SLC28A1: variants seen among roughly 807,000 people sequenced by gnomAD.
SLC28A1 encodes the protein sodium/nucleoside cotransporter 1.
Under a neutral mutation model 74.8 loss-of-function variants are expected in SLC28A1, and 64 were observed. The observed-to-expected ratio is 0.86, with a 90% CI of 0.70 to 1.05. SLC28A1 has a LOEUF of 1.05. Among genes scored for constraint, SLC28A1 ranks in the 50% least tolerant of loss-of-function variants. The pLI, the probability that SLC28A1 is intolerant of heterozygous loss-of-function variation, is 0.00. For missense variants in SLC28A1, 828 were observed against 822.8 expected (o/e 1.01, Z -0.08); for synonymous variants, 359 against 335.0 (o/e 1.07, Z -0.78).
downstream of SLC28A1, among the ~76,000 whole-genome samples, chr15:84,948,180 C>T (rs1373859492): frequency 6.6e-6 from 1 of 152,158 alleles, no homozygotes; most frequent in Non-Finnish European, 1.5e-5. Flanking sequence ...CTGCTGCCCC[C>T]TCAATTTAAT....
chr15:84,908,665 C>A, intron 8 of SLC28A1, 53 bp from the exon 9 acceptor site: 1 of 1,490,954 alleles, frequency 6.7e-7, no homozygotes, highest in Non-Finnish European at 9.3e-7. Flanking sequence ...TTCCTCCCTC[C>A]TCCCTTCCCA....
intron 6 of SLC28A1, among the ~76,000 whole-genome samples, chr15:84,901,723 GCA>G (rs1265470873): frequency 6.6e-6 from 1 of 152,168 alleles, no homozygotes. Flanking sequence ...TCAAGTGTTG[GCA>G]AGGATATAGA....
At chr15:84,923,526 C>A (rs908515622) in intron 11 of SLC28A1, among the ~76,000 whole-genome samples, 3 of 152,126 alleles carry the variant, frequency 2.0e-5, no homozygotes, top group East Asian at 1.9e-4. Context: ...CAGAAATGCA[C>A]CCCTCATCCA....
intron 12 of SLC28A1, among the ~76,000 whole-genome samples, chr15:84,926,806 G>A (rs1596322837): frequency 6.9e-6 from 1 of 145,120 alleles, no homozygotes; most frequent in African/African-American, 2.5e-5. Context: ...GGGGGGAGGG[G>A]GGGGGTGGTG....
intron 8 of SLC28A1, among the ~76,000 whole-genome samples, chr15:84,906,579 TTCCTTC>T (rs1567140869): frequency 1.0e-4 from 5 of 49,044 alleles, no homozygotes; most frequent in Admixed American, 4.4e-4. Flanking sequence ...TCTTTCTTCC[TTCCTTC>T]CTTCCTTCCT....
chr15:84,944,493 C>T, intron 16 of SLC28A1, 73 bp from the exon 17 acceptor site: 1 of 1,001,068 alleles, frequency 1.0e-6, no homozygotes, highest in Non-Finnish European at 1.6e-6. Flanking sequence ...TCAGCAGATG[C>T]AGCCCGAGCT....
intron 12 of SLC28A1, among the ~76,000 whole-genome samples, chr15:84,929,664 G>T (rs1194627495): frequency 6.6e-6 from 1 of 152,118 alleles, no homozygotes; most frequent in African/African-American, 2.4e-5. Context: ...ACCAGCATGG[G>T]CAACATAGGG....
intron 12 of SLC28A1, among the ~76,000 whole-genome samples, chr15:84,930,638 G>A (rs557893950): frequency 4.7e-4 from 50 of 106,644 alleles, no homozygotes; most frequent in Non-Finnish European, 7.4e-4. Flanking sequence ...TTTTTTTTGA[G>A]ATGGAGTCTC....
chr15:84,927,369 C>T (rs958092773), intron 12 of SLC28A1, among the ~76,000 whole-genome samples: 19 of 152,310 alleles, frequency 1.2e-4, no homozygotes, highest in South Asian at 4.1e-4. Context: ...TCCATTTTTA[C>T]GCTCAGGTTC....
In SLC28A1 at chr15:84,911,858, C is replaced by CAA. The variant is rs57067372; in HGVS notation, c.795+3081_795+3082dup. ...CAGGCAACAGAGTGAGACTCCATCT[C>CAA]AAAAAAAAAAAAAAAAAAAGAAGAA... On this transcript the variant is annotated intron_variant, in intron 9 of 18. Coordinates refer to ENST00000394573, the MANE Select transcript of SLC28A1 (RefSeq NM_004213.5). Among the ~76,000 whole-genome samples, 641 of 114,408 alleles carry CAA rather than the reference C, an allele frequency of 5.6e-3. 10 individuals carry two copies. Among genetic ancestry groups the CAA allele is most frequent in the African/African-American group, 0.017 (489 of 28,454 alleles). The allele number at this position is 114,408 out of a possible 152,430, so 75.1% of individuals were successfully genotyped here.
Position 84,888,808 on chromosome 15 carries a change from G to A in SLC28A1, c.133G>A (p.Ala45Thr), listed in dbSNP as rs1164643037. The change falls in exon 4 of 19, where the codon GCA becomes ACA. Residue 45 changes from alanine (A) to threonine (T), a missense_variant. This residue lies in a region of SLC28A1 where 767 missense variants were observed against 753.5 expected (regional missense o/e 1.02). Transcript: ENST00000394573. ...GQLPRSDLSP[A>T]EIRSSWSEAA... ...GCTCCCTAGGAGTGACTTGAGCCCC[G>A]CAGAGATCAGGAGCAGCTGGAGCGA... 6.4e-6 allele frequency: 10 copies of A among 1,554,900 alleles called. No homozygotes were observed. Among genetic ancestry groups the A allele is most frequent in the South Asian group, 1.2e-5 (1 of 84,210 alleles).
At chr15:84,922,409 G>C (rs2141923412) in intron 11 of SLC28A1, among the ~76,000 whole-genome samples, 1 of 152,238 alleles carries the variant, frequency 6.6e-6, no homozygotes, top group East Asian at 1.9e-4. Context: ...ATCTTCCACA[G>C]GATGGTTCAG....
At chr15:84,899,016 C>G (rs928576744) in intron 6 of SLC28A1, among the ~76,000 whole-genome samples, 2 of 152,058 alleles carry the variant, frequency 1.3e-5, no homozygotes, top group Admixed American at 1.3e-4. Context: ...AGAATACAGA[C>G]AAGGAAACTA....
chr15:84,940,690 A>C (rs1972553625), intron 15 of SLC28A1: 1 of 155,348 alleles, frequency 6.4e-6, no homozygotes, highest in Non-Finnish European at 1.4e-5. Context: ...CCAGCTTTGC[A>C]GGTGTCTTTT....
At chr15:84,930,134 CA>C (rs1162321626) in intron 12 of SLC28A1, among the ~76,000 whole-genome samples, 1 of 152,370 alleles carries the variant, frequency 6.6e-6, no homozygotes, top group African/African-American at 2.4e-5. Flanking sequence ...AGGAATGTGA[CA>C]ACTGCAGGGT....
rs1196415773 is a variant in SLC28A1 at position 84,928,603 on chromosome 15, T to TTCC, written c.1083+4494_1083+4495insCCT. Among the ~76,000 whole-genome samples, 15 of 10,906 alleles carry TTCC rather than the reference T, an allele frequency of 1.4e-3. 1 individual carries two copies. The East Asian group carries it at 0.059, about 43-fold the overall frequency. 7.2% of individuals were successfully genotyped at this position (10,906 alleles called of 152,430 possible). A position where few individuals can be genotyped will look rare whatever the true frequency, so the allele number is the denominator to read the frequency against. On this transcript the variant is annotated intron_variant, in intron 12 of 18. Coordinates refer to ENST00000394573, the MANE Select transcript of SLC28A1 (RefSeq NM_004213.5). ...CTTTCTTTCTTTCTTTCTTTCTTTCTTTTCTTTCTTTCTTTTCTTTCTTTC... is the reference window on the plus strand; with the variant it reads ...CTTTCTTTCTTTCTTTCTTTCTTTCTTCCTTTCTTTCTTTCTTTTCTTTCTTTC...
chr15:84,959,233 T>C, the SLC28A1 span, among the ~76,000 whole-genome samples: 2 of 152,040 alleles, frequency 1.3e-5, no homozygotes, highest in African/African-American at 4.8e-5. Flanking sequence ...GCCTCCCAAG[T>C]AGCTGGGATT....
intron 6 of SLC28A1, chr15:84,895,811 T>C: frequency 8.8e-7 from 1 of 1,135,494 alleles, no homozygotes; most frequent in Non-Finnish European, 1.1e-6. Context: ...ACCAGTCTAT[T>C]TCAATACTCT....
rs1464071767 is a variant in SLC28A1, at chr15:84,892,897, C to T, written c.278-2043C>T. On this transcript the variant is annotated intron_variant, in intron 5 of 18. Coordinates refer to ENST00000394573, the MANE Select transcript of SLC28A1 (RefSeq NM_004213.5). The stretch of plus-strand genomic sequence containing the variant: ...CTTGCCCGCTCTCCCAGCCAAAGCC[C>T]AGGGAGGTCTTCAAGGAGCTTAGCT... Among the ~76,000 whole-genome samples, 4 of 152,164 alleles carry T rather than the reference C, an allele frequency of 2.6e-5. No homozygotes were observed. The East Asian group carries it at 7.7e-4, about 29-fold the overall frequency.
Sources: allele counts gnomAD v4.1 joint callset (sites outside exome capture counted in the v4.1 genomes callset), GRCh38; gene constraint gnomAD v4.1.1; regional missense constraint gnomAD v4.1.1; transcripts MANE v1.5; gene names NCBI Gene and HGNC (gene_info 2026-07-23, HGNC 2026-07-21).